The following TACC1 variants were observed in gnomAD, a reference collection of about 807,000 sequenced individuals.
The protein encoded by TACC1 is transforming acidic coiled-coil containing protein 1.
In TACC1, 48 loss-of-function variants were observed where a neutral mutation model predicts 84.4. The ratio of observed to expected loss-of-function variants is 0.57; its 90% CI spans 0.45 to 0.72. The LOEUF (loss-of-function observed/expected upper bound fraction) is 0.72. Among genes scored for constraint, TACC1 ranks in the 30% least tolerant of loss-of-function variants. TACC1 has a pLI of 0.00. For synonymous variants in TACC1, 372 were observed against 376.3 expected (o/e 0.99, Z 0.13); for missense variants, 920 against 973.0 (o/e 0.95, Z 0.72).
intron 5 of TACC1, 167 bp downstream of exon 5, chr8:38,827,542 G>A: frequency 1.5e-6 from 1 of 680,996 alleles, no homozygotes; most frequent in Non-Finnish European, 2.5e-6. Flanking sequence ...GGGACACAAA[G>A]TGCTTATTGA....
In TACC1 at chr8:38,768,456, T is replaced by C. The variant is rs147785114; in HGVS notation, c.27-20248T>C. Among the ~76,000 whole-genome samples the C allele has an allele frequency of 2.0e-3, 298 of 152,340 alleles. 1 individual carries two copies. The highest frequency in any genetic ancestry group is 6.9e-3 in the African/African-American group (288 of 41,558). On this transcript the variant is annotated intron_variant, in intron 3 of 14. Coordinates refer to the TACC1 transcript ENST00000518415. ...ACAAATGTGTTGATGGACGGTGTGA[T>C]GGAACGTTCTAGTGCCCTCTGGTGG...
At position 38,847,999 on chromosome 8, in the gene TACC1, T is replaced by C. The variant is rs1218206982; in HGVS notation, c.2394T>C (p.Ile798=). 6.2e-7 allele frequency: 1 copy of C among 1,613,948 alleles called. No homozygotes were observed. Residue 798 remains isoleucine (I), a synonymous_variant, in exon 13 of 13, where the codon ATT becomes ATC. Transcript: ENST00000317827. ...TGACAAAAATCTGTGATGAGCTGAT[T>C]GCAAAGCTGGGAAAGACTGACTGAG... ...EELTKICDEL[I]AKLGKTD is the part of the protein sequence containing the mutation.
At chr8:38,789,829 G>A (rs1014316106) in intron 2 of TACC1, among the ~76,000 whole-genome samples, 22 of 152,234 alleles carry the variant, frequency 1.4e-4, no homozygotes, top group African/African-American at 4.8e-4. Context: ...TTGAGGACCA[G>A]CCAGGAGGTC....
At position 38,732,457 on chromosome 8, in the gene TACC1, C is replaced by T. The variant is rs541700475; in HGVS notation, c.-675+3786C>T. ...CAAAAAAAAACCCAGGAGATCAAGA[C>T]TTACAAAAGAATTGTGTGGCTTTTT... On this transcript the variant is annotated intron_variant, in intron 1 of 14. Transcript: ENST00000518415. Among the ~76,000 whole-genome samples, 3 of 152,136 alleles carry T rather than the reference C, an allele frequency of 2.0e-5. No individual in the cohort carries two copies. The East Asian group carries it at 5.8e-4, about 29-fold the overall frequency.
chr8:38,819,469 A>G, intron 2 of TACC1, 53 bp from the exon 3 acceptor site: 2 of 1,524,248 alleles, frequency 1.3e-6, no homozygotes, highest in Non-Finnish European at 1.8e-6. Flanking sequence ...AAGAGAGGAT[A>G]CTTACCAGTG....
chr8:38,800,939 G>A (rs1012776364), intron 2 of TACC1, among the ~76,000 whole-genome samples: 1 of 152,146 alleles, frequency 6.6e-6, no homozygotes, highest in Non-Finnish European at 1.5e-5. Flanking sequence ...TTATAGCCAT[G>A]CCAGTAGGTG....
At chr8:38,754,853 C>T (rs928087596) in intron 3 of TACC1, among the ~76,000 whole-genome samples, 3 of 152,156 alleles carry the variant, frequency 2.0e-5, no homozygotes, top group African/African-American at 7.2e-5. Flanking sequence ...AAGAGGTAGT[C>T]GAAGTCTGCT....
chr8:38,742,757 C>T lies in TACC1; in HGVS notation c.-574+306C>T, dbSNP rs563064854. On this transcript the variant is annotated intron_variant, in intron 2 of 14. Transcript: ENST00000518415. Reference sequence around the variant, plus strand: ...CGAGACAGAGTTTCACTCTGTCACCCGGGCTGGAGGGCAGTGGCACGATCT... The same window carrying T: ...CGAGACAGAGTTTCACTCTGTCACCTGGGCTGGAGGGCAGTGGCACGATCT... Among the ~76,000 whole-genome samples the T allele has an allele frequency of 7.2e-5, 11 of 152,252 alleles. No homozygotes were observed. In the East Asian group the frequency reaches 7.7e-4, roughly 11 times the overall value.
At chr8:38,793,891 A>G (rs60642989) in intron 2 of TACC1, among the ~76,000 whole-genome samples, 1,852 of 152,346 alleles carry the variant, frequency 0.012, 39 homozygotes, top group African/African-American at 0.043. Context: ...TATCTTGTAC[A>G]GAAAAAAAAT....
In TACC1 at chr8:38,852,949, T is replaced by C. The variant is rs574498803; in HGVS notation, c.*4926T>C. 1 of 152,674 alleles carries C rather than the reference T, an allele frequency of 6.5e-6. No homozygotes were observed. The highest frequency in any genetic ancestry group is 6.5e-5 in the Admixed American group (1 of 15,282). The allele number at this position is 152,674 out of a possible 1,614,324, so 9.5% of individuals were successfully genotyped here. ...GTCAAGTAACTATTTGTAAAAGTTATACTCACAAATTATTATAATGATTAC... is the reference window on the plus strand; with the variant it reads ...GTCAAGTAACTATTTGTAAAAGTTACACTCACAAATTATTATAATGATTAC... On this transcript the variant is annotated 3_prime_UTR_variant, in exon 13 of 13. Transcript: ENST00000317827.
intron 9 of TACC1, 175 bp downstream of exon 9, chr8:38,840,442 A>G: frequency 3.8e-6 from 2 of 532,228 alleles, no homozygotes; most frequent in Non-Finnish European, 3.3e-6. Context: ...GGGAGGGCCC[A>G]TTCCTCATAG....
In TACC1 at chr8:38,787,386, A is replaced by C; in HGVS notation, c.-197A>C. 7.4e-7 allele frequency: 1 copy of C among 1,350,512 alleles called. No individual in the cohort carries two copies. Among genetic ancestry groups the C allele is most frequent in the Middle Eastern group, 2.7e-4 (1 of 3,654 alleles). 83.7% of individuals were successfully genotyped at this position (1,350,512 alleles called of 1,614,324 possible). A position where few individuals can be genotyped will look rare whatever the true frequency, so the allele number is the denominator to read the frequency against. On this transcript the variant is annotated 5_prime_UTR_variant, in exon 1 of 13. Coordinates refer to ENST00000317827, the MANE Select transcript of TACC1 (RefSeq NM_006283.3). ...GCCGCACCGTGAGGGGAGGAGGCCG[A>C]GGAGGACGCAGCGCCGGCTGCCGGC...
intron 2 of TACC1, among the ~76,000 whole-genome samples, chr8:38,815,207 A>G (rs1277730711): frequency 1.3e-5 from 2 of 152,202 alleles, no homozygotes; most frequent in African/African-American, 2.4e-5. Flanking sequence ...GAGTGGGATC[A>G]TCTGTGGTAC....
rs1407312971 is a variant in TACC1 at position 38,819,738 on chromosome 8, T to C, written c.494T>C (p.Val165Ala). 9.3e-6 allele frequency: 15 copies of C among 1,614,046 alleles called. No homozygotes were observed. The highest frequency in any genetic ancestry group is 1.1e-5 in the Non-Finnish European group (13 of 1,180,040). The change falls in exon 3 of 13, where the codon GTC becomes GCC. Residue 165 changes from valine (V) to alanine (A), a missense_variant. By Grantham distance (64) the Val-to-Ala change is moderately conservative (BLOSUM62 0). Transcript: ENST00000317827. ...AAGGATTCCACGGATATCTCGGCAGTCCTCGGAACAAAAGCAGCTCATGGC... is the reference window on the plus strand; with the variant it reads ...AAGGATTCCACGGATATCTCGGCAGCCCTCGGAACAAAAGCAGCTCATGGC... Reference protein sequence around the residue: ...ETKDSTDISAVLGTKAAHGCV... With the variant: ...ETKDSTDISAALGTKAAHGCV...
At chr8:38,838,652 G>A in intron 8 of TACC1, 106 bp downstream of exon 8, 1 of 896,494 alleles carries the variant, frequency 1.1e-6, no homozygotes, top group East Asian at 2.5e-5. Context: ...CAAGTGTTGA[G>A]AGCTTGAGGG....
chr8:38,779,199 T>C (rs1815450446), intron 3 of TACC1, among the ~76,000 whole-genome samples: 1 of 152,160 alleles, frequency 6.6e-6, no homozygotes. Flanking sequence ...GGTCTCAAAG[T>C]CCTGGGCTCA....
intron 2 of TACC1, among the ~76,000 whole-genome samples, chr8:38,802,466 G>T (rs1821622789): frequency 6.6e-6 from 1 of 152,160 alleles, no homozygotes; most frequent in African/African-American, 2.4e-5. Context: ...AATGCCTGAT[G>T]ATCTGAGCTG....
chr8:38,804,649 C>T (rs1388424256), intron 2 of TACC1, among the ~76,000 whole-genome samples: 1 of 152,120 alleles, frequency 6.6e-6, no homozygotes, highest in African/African-American at 2.4e-5. Flanking sequence ...TTTTCCCAGC[C>T]TGGAGTGCAG....
chr8:38,846,808 C>T lies in TACC1; in HGVS notation c.2338C>T (p.Leu780=), dbSNP rs369293338. ...GAAGGTGGAGTCCCTGGAAAGGGCCCTGCAGCAGAAGGTACAGAAAGGGAC... is the reference window on the plus strand; with the variant it reads ...GAAGGTGGAGTCCCTGGAAAGGGCCTTGCAGCAGAAGGTACAGAAAGGGAC... ...QMKVESLERA[L]QQKNQEIEEL... is the part of the protein sequence containing the mutation. Residue 780 remains leucine (L), a synonymous_variant, in exon 12 of 13, where the codon CTG becomes TTG. Coordinates refer to ENST00000317827, the MANE Select transcript of TACC1 (RefSeq NM_006283.3). 23 of 1,614,050 alleles carry T rather than the reference C, an allele frequency of 1.4e-5. No individual in the cohort carries two copies. In the African/African-American group the frequency reaches 2.7e-4, roughly 19 times the overall value.
Sources: allele counts gnomAD v4.1 joint callset (sites outside exome capture counted in the v4.1 genomes callset), GRCh38; gene constraint gnomAD v4.1.1; transcripts MANE v1.5; gene names NCBI Gene and HGNC (gene_info 2026-07-23, HGNC 2026-07-21).